Variants in PGCKA1 observed in about 807,000 individuals in gnomAD.
The protein encoded by PGCKA1 is PDCD10 and GCKIII kinases associated 1.
chr4:37,522,923 A>C, the PGCKA1 span, among the ~76,000 whole-genome samples: 1 of 151,942 alleles, frequency 6.6e-6, no homozygotes, highest in Non-Finnish European at 1.5e-5. Context: ...TCTGTTTTGG[A>C]GCCAGGAGCC....
the PGCKA1 span, among the ~76,000 whole-genome samples, chr4:37,581,039 T>G: frequency 1.4e-4 from 21 of 151,812 alleles, no homozygotes; most frequent in Non-Finnish European, 1.5e-5. This position sits in a 1 kb window ranked among gnomAD's most constrained non-coding sequence, Gnocchi z 4.4. Flanking sequence ...CCACAGAGAG[T>G]ATTGCCAGGC....
the PGCKA1 span, among the ~76,000 whole-genome samples, chr4:37,513,274 G>T: frequency 2.0e-5 from 3 of 152,148 alleles, no homozygotes; most frequent in Admixed American, 6.5e-5. Flanking sequence ...GGTGCTAAAA[G>T]AATTTAAGGA....
the PGCKA1 span, among the ~76,000 whole-genome samples, chr4:37,474,531 G>C: frequency 1.3e-5 from 2 of 152,094 alleles, no homozygotes; most frequent in Non-Finnish European, 2.9e-5. Context: ...AATAAAAGAG[G>C]GAATGACATG....
At chr4:37,547,490 G>T in the PGCKA1 span, among the ~76,000 whole-genome samples, 2 of 152,160 alleles carry the variant, frequency 1.3e-5, no homozygotes, top group South Asian at 4.1e-4. Flanking sequence ...TTCAAGAAAG[G>T]ATTTAAGGGA....
At chr4:37,528,562 G>C in the PGCKA1 span, among the ~76,000 whole-genome samples, 1 of 152,110 alleles carries the variant, frequency 6.6e-6, no homozygotes, top group Admixed American at 6.5e-5. Context: ...GTCTGATGAG[G>C]ACAAACGCCT....
chr4:37,518,360 G>A, the PGCKA1 span, among the ~76,000 whole-genome samples: 1 of 152,278 alleles, frequency 6.6e-6, no homozygotes, highest in South Asian at 2.1e-4. Context: ...ATTGTCCATA[G>A]TCGTTGCACT....
chr4:37,570,146 ATTTTTTTTTT>A, the PGCKA1 span, among the ~76,000 whole-genome samples: 2 of 78,952 alleles, frequency 2.5e-5, no homozygotes, highest in Non-Finnish European at 4.4e-5. Flanking sequence ...CGCCTGGCTA[ATTTTTTTTTT>A]TTTTTTTTTT....
chr4:37,579,860 C>CTTTCTACCCCTATT, the PGCKA1 span, among the ~76,000 whole-genome samples: 5 of 152,102 alleles, frequency 3.3e-5, no homozygotes, highest in Non-Finnish European at 7.3e-5. Flanking sequence ...TTTGAATAAG[C>CTTTCTACCCCTATT]TTTCTACCCC....
At chr4:37,489,061 A>G in the PGCKA1 span, among the ~76,000 whole-genome samples, 1 of 152,174 alleles carries the variant, frequency 6.6e-6, no homozygotes, top group African/African-American at 2.4e-5. Flanking sequence ...GGATTTTGGT[A>G]TACGCAGAGG....
At chr4:37,494,808 A>AAT in the PGCKA1 span, among the ~76,000 whole-genome samples, 9 of 151,766 alleles carry the variant, frequency 5.9e-5, no homozygotes, top group African/African-American at 2.2e-4. Context: ...GACTTTTAAT[A>AAT]ATAGCCATTC....
the PGCKA1 span, among the ~76,000 whole-genome samples, chr4:37,509,370 G>C: frequency 7.1e-6 from 1 of 141,414 alleles, no homozygotes. Flanking sequence ...TGGGGTCACG[G>C]CAGGGCAGAG....
the PGCKA1 span, among the ~76,000 whole-genome samples, chr4:37,589,076 T>C: frequency 6.6e-6 from 1 of 152,212 alleles, no homozygotes; most frequent in African/African-American, 2.4e-5. Context: ...GTGCCCTAGA[T>C]TTTTTTAACT....
At chr4:37,568,521 C>T in the PGCKA1 span, among the ~76,000 whole-genome samples, 1 of 152,246 alleles carries the variant, frequency 6.6e-6, no homozygotes, top group South Asian at 2.1e-4. Flanking sequence ...CTCACAGTTC[C>T]TCCTGGCAGA....
the PGCKA1 span, among the ~76,000 whole-genome samples, chr4:37,589,368 A>T: frequency 6.6e-6 from 1 of 152,238 alleles, no homozygotes; most frequent in Non-Finnish European, 1.5e-5. Context: ...AATAAGCTGT[A>T]TTCCACTGTA....
At chr4:37,471,095 T>C in the PGCKA1 span, among the ~76,000 whole-genome samples, 2 of 152,328 alleles carry the variant, frequency 1.3e-5, no homozygotes, top group African/African-American at 4.8e-5. Flanking sequence ...AGAAAAACAT[T>C]AACTAAATTT....
At chr4:37,508,760 G>A in the PGCKA1 span, among the ~76,000 whole-genome samples, 3 of 147,886 alleles carry the variant, frequency 2.0e-5, no homozygotes, top group Admixed American at 1.4e-4. Context: ...GACAATAGTG[G>A]AGGGAAGGTC....
chr4:37,472,888 T>C, the PGCKA1 span, among the ~76,000 whole-genome samples: 2 of 152,208 alleles, frequency 1.3e-5, no homozygotes, highest in Non-Finnish European at 2.9e-5. Context: ...CTATGAGTTA[T>C]GTCTGCAAGG....
the PGCKA1 span, among the ~76,000 whole-genome samples, chr4:37,535,003 C>A: frequency 6.6e-6 from 1 of 152,134 alleles, no homozygotes; most frequent in Non-Finnish European, 1.5e-5. Context: ...GATTCAAATG[C>A]GACAAATTCC....
At chr4:37,495,448 A>G in the PGCKA1 span, among the ~76,000 whole-genome samples, 1 of 151,920 alleles carries the variant, frequency 6.6e-6, no homozygotes, top group Non-Finnish European at 1.5e-5. Flanking sequence ...TATTGCACTG[A>G]CTTGGAACCA....
Sources: gnomAD v4.1 joint callset for allele counts (sites outside exome capture counted in the v4.1 genomes callset) on GRCh38, gnomAD v4.1.1 for gene constraint, Gnocchi (gnomAD v3.1) non-coding constraint, MANE v1.5 for transcripts, NCBI Gene and HGNC (gene_info 2026-07-23, HGNC 2026-07-21) for gene names.